Variants in NCOA2 observed in about 807,000 individuals in gnomAD.
NCOA2 encodes nuclear receptor coactivator 2.
Under a neutral mutation model 145.1 loss-of-function variants are expected in NCOA2, and 21 were observed. The observed-to-expected ratio is 0.14, with a 90% CI of 0.10 to 0.21. NCOA2 has a LOEUF of 0.21. Among genes scored for constraint, NCOA2 ranks in the 10% least tolerant of loss-of-function variants. NCOA2 has a pLI of 1.00. For synonymous variants in NCOA2, 619 were observed against 637.5 expected (o/e 0.97, Z 0.44); for missense variants, 1,472 against 1,837.6 (o/e 0.80, Z 3.64).
Position 70,112,403 on chromosome 8 carries a change from T to C in NCOA2, c.*1229A>G, listed in dbSNP as rs1053080337. 5.2e-6 allele frequency: 1 copy of C among 193,634 alleles called. No homozygotes were observed. Among genetic ancestry groups the C allele is most frequent in the Non-Finnish European group, 1.1e-5 (1 of 92,708 alleles). The allele number at this position is 193,634 out of a possible 1,614,324, so 12.0% of individuals were successfully genotyped here. A position where few individuals can be genotyped will look rare whatever the true frequency, so the allele number is the denominator to read the frequency against. ...AATTATTGCTTGTTTACATATAAATTGGATTTTATGTACCTTACAAAACTT... is the reference window on the plus strand; with the variant it reads ...AATTATTGCTTGTTTACATATAAATCGGATTTTATGTACCTTACAAAACTT... On this transcript the variant is annotated 3_prime_UTR_variant, in exon 23 of 23. Coordinates refer to ENST00000452400, the MANE Select transcript of NCOA2 (RefSeq NM_006540.4).
intron 14 of NCOA2, among the ~76,000 whole-genome samples, chr8:70,138,922 G>C (rs943155188): frequency 6.6e-6 from 1 of 152,262 alleles, no homozygotes; most frequent in Non-Finnish European, 1.5e-5. Flanking sequence ...GCGATAATAA[G>C]AGTGAAGAAG....
intron 1 of NCOA2, among the ~76,000 whole-genome samples, chr8:70,349,698 A>C (rs550370739): frequency 6.6e-6 from 1 of 152,008 alleles, no homozygotes; most frequent in Non-Finnish European, 1.5e-5. Flanking sequence ...TCTTCATGTC[A>C]TTTTTTCAAA....
chr8:70,268,290 C>T (rs761700568), intron 2 of NCOA2, among the ~76,000 whole-genome samples: 1 of 152,126 alleles, frequency 6.6e-6, no homozygotes, highest in Admixed American at 6.5e-5. Context: ...AAGTCCACTG[C>T]CCATCTTTGA....
chr8:70,300,332 A>G lies in NCOA2; in HGVS notation c.-76-3532T>C, dbSNP rs924567943. Among the ~76,000 whole-genome samples the G allele has an allele frequency of 6.6e-5, 10 of 152,228 alleles. No homozygotes were observed. In the South Asian group the frequency reaches 8.3e-4, roughly 13 times the overall value. On this transcript the variant is annotated intron_variant, in intron 1 of 22. Coordinates refer to ENST00000452400, the MANE Select transcript of NCOA2 (RefSeq NM_006540.4). ...CTTAAATTTTTAAAATGCAAAAAAA[A>G]ATTTTAATGTTAAAAAATATTTTAG...
chr8:70,357,682 AGTGAACCT>A (rs1352648775), intron 1 of NCOA2, among the ~76,000 whole-genome samples: 6 of 152,016 alleles, frequency 3.9e-5, no homozygotes, highest in African/African-American at 1.4e-4. Context: ...CGGAGCTTGC[AGTGAACCT>A]AGATCGTGCG....
chr8:70,280,806 A>T (rs957503433), intron 2 of NCOA2, among the ~76,000 whole-genome samples: 37 of 152,142 alleles, frequency 2.4e-4, no homozygotes, highest in Non-Finnish European at 1.5e-4. Flanking sequence ...TGCCTCATAG[A>T]AATCCATTCT....
chr8:70,226,774 T>C (rs866982788), intron 2 of NCOA2, among the ~76,000 whole-genome samples: 2 of 151,888 alleles, frequency 1.3e-5, no homozygotes, highest in African/African-American at 4.8e-5. Context: ...GTCATTAGCA[T>C]ATCATATGTT....
chr8:70,318,877 T>C (rs1185384112), intron 1 of NCOA2, among the ~76,000 whole-genome samples: 2 of 152,188 alleles, frequency 1.3e-5, no homozygotes, highest in Non-Finnish European at 2.9e-5. Flanking sequence ...AAATACACTG[T>C]ATCCAGTTTT....
intron 2 of NCOA2, among the ~76,000 whole-genome samples, chr8:70,232,346 A>C (rs1821213489): frequency 6.6e-6 from 1 of 152,192 alleles, no homozygotes; most frequent in African/African-American, 2.4e-5. Flanking sequence ...GGAGAATATC[A>C]AGCAACAAGG....
At chr8:70,420,383 C>T in the NCOA2 span, among the ~76,000 whole-genome samples, 1 of 152,212 alleles carries the variant, frequency 6.6e-6, no homozygotes, top group Non-Finnish European at 1.5e-5. Context: ...ATCATGTCCC[C>T]ATCCCAGTAA....
At chr8:70,402,868 C>T (rs1292936287) in intron 1 of NCOA2, among the ~76,000 whole-genome samples, 1 of 146,132 alleles carries the variant, frequency 6.8e-6, no homozygotes, top group Non-Finnish European at 1.5e-5. Context: ...GCCGCCGGGG[C>T]CCGGCCCCCG....
chr8:70,226,530 C>A (rs145457435), intron 2 of NCOA2, among the ~76,000 whole-genome samples: 9 of 152,116 alleles, frequency 5.9e-5, no homozygotes, highest in African/African-American at 1.9e-4. Flanking sequence ...AATCAAATCT[C>A]ATTTTACTGG....
rs541942842 is a variant in NCOA2 at position 70,138,449 on chromosome 8, T to C, written c.3029-117A>G. 63 of 969,418 alleles carry C rather than the reference T, an allele frequency of 6.5e-5. 1 individual carries two copies. In the East Asian group the frequency reaches 1.7e-3, roughly 27 times the overall value. The allele number at this position is 969,418 out of a possible 1,614,324, so 60.1% of individuals were successfully genotyped here. ...AAAAGGGAAAACACAGAAGCAGTAA[T>C]AATTAACTAGGTGAATATAAGAAGA... On this transcript the variant is annotated intron_variant, in intron 14 of 22. Transcript: ENST00000452400.
rs1806634652 is a variant in NCOA2, at chr8:70,112,572, C to G, written c.*1060G>C. ...GTTGCTGGGGAACAGAATAAACATG[C>G]TTCCAAAGCAGGTATCCTTAGCTCG... On this transcript the variant is annotated 3_prime_UTR_variant, in exon 23 of 23. Transcript: ENST00000452400. The G allele has an allele frequency of 4.9e-6, 1 of 204,692 alleles. No individual in the cohort carries two copies. Among genetic ancestry groups the G allele is most frequent in the African/African-American group, 2.3e-5 (1 of 43,674 alleles). The allele number at this position is 204,692 out of a possible 1,614,324, so 12.7% of individuals were successfully genotyped here.
chr8:70,341,082 G>GAAA (rs3085558), intron 1 of NCOA2, among the ~76,000 whole-genome samples: 22 of 105,066 alleles, frequency 2.1e-4, no homozygotes, highest in South Asian at 7.5e-4. Flanking sequence ...TTAAAAAGTT[G>GAAA]AAAAAAAAAA....
At chr8:70,211,119 G>A (rs1818970831) in intron 4 of NCOA2, among the ~76,000 whole-genome samples, 1 of 152,054 alleles carries the variant, frequency 6.6e-6, no homozygotes, top group Non-Finnish European at 1.5e-5. Flanking sequence ...CTGATGGAGT[G>A]GTACGCATGG....
chr8:70,370,062 T>A (rs982951782), intron 1 of NCOA2, among the ~76,000 whole-genome samples: 5 of 152,094 alleles, frequency 3.3e-5, no homozygotes, highest in Non-Finnish European at 7.4e-5. Context: ...CTTTTTTATT[T>A]TTTTGTATGG....
In NCOA2 at chr8:70,124,856, T is replaced by C; in HGVS notation, c.3926A>G (p.Gln1309Arg). ...CCCAGTAAAGCCTGGATCAGGTTGC[T>C]GACTTATTCCTTAAAAAAAAAAACA... The part of the protein sequence containing the change: ...FPFPPNYGIS[Q>R]QPDPGFTGAT... The change falls in exon 20 of 23, where the codon CAG (glutamine) becomes CGG (arginine). Residue 1309 changes from glutamine (Q) to arginine (R), a missense_variant. Gln to Arg is a conservative substitution (Grantham distance 43). Transcript: ENST00000452400. 6.3e-7 allele frequency: 1 copy of C among 1,579,372 alleles called. No homozygotes were observed.
chr8:70,195,506 A>G (rs1433205376), intron 4 of NCOA2, among the ~76,000 whole-genome samples: 1 of 152,184 alleles, frequency 6.6e-6, no homozygotes, highest in Admixed American at 6.5e-5. Context: ...AGGGGTCCTG[A>G]AGCTTAAGCT....
Sources: allele counts gnomAD v4.1 joint callset (sites outside exome capture counted in the v4.1 genomes callset), GRCh38; gene constraint gnomAD v4.1.1; transcripts MANE v1.5; gene names NCBI Gene and HGNC (gene_info 2026-07-23, HGNC 2026-07-21).